Variants in C1orf21 observed in about 807,000 individuals in gnomAD.
The protein encoded by C1orf21 is chromosome 1 open reading frame 21.
Under a neutral mutation model 18.7 loss-of-function variants are expected in C1orf21, and 3 were observed. That is an observed-to-expected ratio of 0.16 (90% confidence interval 0.07 to 0.42). The LOEUF is 0.42. Among genes scored for constraint, C1orf21 ranks in the 10% least tolerant of loss-of-function variants. The pLI, the probability that C1orf21 is intolerant of heterozygous loss-of-function variation, is 0.99. For synonymous variants in C1orf21, 41 were observed against 46.4 expected, an observed-to-expected ratio of 0.88 and a Z score of 0.47; for missense variants, 104 against 143.6, an observed-to-expected ratio of 0.72 and a Z score of 1.41.
At chr1:184,532,843 A>G (rs1658488057) in intron 3 of C1orf21, among the ~76,000 whole-genome samples, 1 of 152,164 alleles carries the variant, frequency 6.6e-6, no homozygotes, top group South Asian at 2.1e-4. Flanking sequence ...CAGAAAAATG[A>G]GGCTCTGCCA....
At chr1:184,542,398 A>G (rs1251731255) in intron 3 of C1orf21, 1 of 152,234 alleles carries the variant, frequency 6.6e-6, no homozygotes, top group Non-Finnish European at 1.5e-5. Flanking sequence ...GCTAGATTCA[A>G]ACCCAAGCAG....
intron 1 of C1orf21, among the ~76,000 whole-genome samples, chr1:184,448,641 C>T (rs1042961384): frequency 1.3e-5 from 2 of 152,160 alleles, no homozygotes; most frequent in African/African-American, 2.4e-5. Flanking sequence ...CCTGGGTCTC[C>T]AGAGACTCTT....
chr1:184,491,138 T>G (rs1657811080), intron 2 of C1orf21, among the ~76,000 whole-genome samples: 1 of 152,122 alleles, frequency 6.6e-6, no homozygotes, highest in African/African-American at 2.4e-5. Flanking sequence ...ACACAAAAAG[T>G]GCTGTATAAA....
At chr1:184,409,095 C>CT (rs1656292893) in intron 1 of C1orf21, among the ~76,000 whole-genome samples, 1 of 151,984 alleles carries the variant, frequency 6.6e-6, no homozygotes, top group Non-Finnish European at 1.5e-5. Context: ...CTTTTTTGTT[C>CT]TTTCTTTCTC....
At chr1:184,544,596 C>T (rs1571407889) in intron 3 of C1orf21, among the ~76,000 whole-genome samples, 1 of 152,164 alleles carries the variant, frequency 6.6e-6, no homozygotes, top group Non-Finnish European at 1.5e-5. Flanking sequence ...CATTGATCTA[C>T]GTAGTCTACT....
intron 2 of C1orf21, among the ~76,000 whole-genome samples, chr1:184,482,953 A>T (rs1285007745): frequency 1.3e-5 from 2 of 152,236 alleles, no homozygotes; most frequent in African/African-American, 4.8e-5. Context: ...GCAGAATTAA[A>T]TGCTAAATGG....
intron 3 of C1orf21, among the ~76,000 whole-genome samples, chr1:184,580,501 A>G (rs980818158): frequency 2.0e-5 from 3 of 152,256 alleles, no homozygotes; most frequent in Non-Finnish European, 2.9e-5. Context: ...CTCCTCAAAT[A>G]GGGCATGAAC....
intron 1 of C1orf21, among the ~76,000 whole-genome samples, chr1:184,475,785 A>G (rs1016481400): frequency 2.7e-5 from 4 of 147,736 alleles, no homozygotes; most frequent in African/African-American, 5.0e-5. Context: ...GTGTGTGTCC[A>G]TCCACAGGCC....
chr1:184,436,573 A>G (rs78700450), intron 1 of C1orf21, among the ~76,000 whole-genome samples: 1,919 of 152,226 alleles, frequency 0.013, 40 homozygotes, highest in African/African-American at 0.044. Flanking sequence ...TAAAGGAGAA[A>G]AAAAAATGTG....
rs377572698 is a variant in C1orf21 at position 184,564,369 on chromosome 1, C to T, written c.190-26370C>T. ...TGATGCCCAGGCTGGAGAGCAATGG[C>T]GTGATCTCAGCTCACTGCAACCTGC... is the stretch of plus-strand genomic sequence containing the variant. On this transcript the variant is annotated intron_variant, in intron 3 of 5. Transcript: ENST00000235307. Among the ~76,000 whole-genome samples the T allele has an allele frequency of 1.6e-4, 24 of 152,264 alleles. No homozygotes were observed. In the East Asian group the frequency reaches 2.7e-3, roughly 17 times the overall value.
At chr1:184,506,467 A>G (rs1277092264) in intron 2 of C1orf21, among the ~76,000 whole-genome samples, 4 of 152,218 alleles carry the variant, frequency 2.6e-5, no homozygotes, top group Admixed American at 2.6e-4. Context: ...CCATTTAATC[A>G]TAGTTAATAA....
chr1:184,422,959 C>T (rs1032195542), intron 1 of C1orf21, among the ~76,000 whole-genome samples: 24 of 152,270 alleles, frequency 1.6e-4, no homozygotes, highest in East Asian at 5.8e-4. Context: ...ATACGCAAGA[C>T]GTTAAGGCAT....
intron 5 of C1orf21, among the ~76,000 whole-genome samples, chr1:184,602,905 AT>A (rs1173752399): frequency 6.6e-6 from 1 of 152,218 alleles, no homozygotes; most frequent in Non-Finnish European, 1.5e-5. Flanking sequence ...GATCCTGAAT[AT>A]TAAATAAAGA....
At chr1:184,559,257 G>A (rs892537658) in intron 3 of C1orf21, among the ~76,000 whole-genome samples, 3 of 151,960 alleles carry the variant, frequency 2.0e-5, no homozygotes, top group African/African-American at 7.3e-5. Context: ...TTAAAAGTGT[G>A]TGGCACCTCC....
At chr1:184,393,864 G>C (rs1374955560) in intron 1 of C1orf21, among the ~76,000 whole-genome samples, 1 of 151,880 alleles carries the variant, frequency 6.6e-6, no homozygotes, top group African/African-American at 2.4e-5. Context: ...GTAAATGTTG[G>C]TTAAATAAGT....
intron 3 of C1orf21, among the ~76,000 whole-genome samples, chr1:184,581,923 C>T (rs1659282181): frequency 6.6e-6 from 1 of 152,188 alleles, no homozygotes; most frequent in South Asian, 2.1e-4. Flanking sequence ...TACATGCCAA[C>T]TTTATTACTA....
intron 1 of C1orf21, among the ~76,000 whole-genome samples, chr1:184,396,483 T>C (rs1656053053): frequency 6.6e-6 from 1 of 152,210 alleles, no homozygotes; most frequent in South Asian, 2.1e-4. Context: ...GGTTGGATTA[T>C]ACTCTGAGCT....
intron 3 of C1orf21, among the ~76,000 whole-genome samples, chr1:184,522,795 C>A (rs1658322513): frequency 6.6e-6 from 1 of 152,188 alleles, no homozygotes; most frequent in Non-Finnish European, 1.5e-5. Context: ...TTGGGCAATT[C>A]CCCCACTTCA....
chr1:184,456,800 G>A (rs1311055986), intron 1 of C1orf21, among the ~76,000 whole-genome samples: 1 of 151,952 alleles, frequency 6.6e-6, no homozygotes, highest in Non-Finnish European at 1.5e-5. Flanking sequence ...TTATTATATT[G>A]CAGTTTCTTA....
Sources: allele counts gnomAD v4.1 joint callset (sites outside exome capture counted in the v4.1 genomes callset), GRCh38; gene constraint gnomAD v4.1.1; transcripts MANE v1.5; gene names NCBI Gene and HGNC (gene_info 2026-07-23, HGNC 2026-07-21).